Variants in PCDHGA2 observed in about 807,000 individuals in gnomAD.
PCDHGA2 encodes the protein protocadherin gamma subfamily A, 2.
Under a neutral mutation model 59.2 loss-of-function variants are expected in PCDHGA2, and 40 were observed. The observed-to-expected ratio is 0.68, with a 90% confidence interval of 0.52 to 0.88. PCDHGA2 has a LOEUF of 0.88. Among genes scored for constraint, PCDHGA2 ranks in the 40% least tolerant of loss-of-function variants. The probability of loss-of-function intolerance (pLI) is 0.00; values close to 1 mark genes in which losing one functional copy is unlikely to be tolerated. For missense variants in PCDHGA2, 1,226 were observed against 1,204.0 expected (o/e 1.02, Z -0.27); for synonymous variants, 560 against 526.0 (o/e 1.06, Z -0.89).
intron 1 of PCDHGA2, chr5:141,409,850 G>T (rs1301108879): frequency 6.2e-7 from 1 of 1,612,142 alleles, no homozygotes; most frequent in South Asian, 1.1e-5. Context: ...GAGCCTGCGC[G>T]TGTTGGTGGG....
At chr5:141,351,158 A>C in intron 1 of PCDHGA2, 2 of 1,614,062 alleles carry the variant, frequency 1.2e-6, no homozygotes, top group South Asian at 2.2e-5. Context: ...CATCACAACC[A>C]ATGGCACATT....
rs188827871 is a variant in PCDHGA2, at chr5:141,405,107, T to G, written c.2424+63712T>G. 137 of 1,613,998 alleles carry G rather than the reference T, an allele frequency of 8.5e-5. No homozygotes were observed. The Middle Eastern group carries it at 1.3e-3, about 16-fold the overall frequency. On this transcript the variant is annotated intron_variant, in intron 1 of 3. Coordinates refer to ENST00000394576, the MANE Select transcript of PCDHGA2 (RefSeq NM_018915.4). ...GCTGCTGGCCCTCAGGCTGAGGCAC[T>G]GGCACTCCTCGCATCTGCTGCGGGC...
rs776854254 is a variant in PCDHGA2 at position 141,487,285 on chromosome 5, C to T, written c.2425-7522C>T. On this transcript the variant is annotated intron_variant, in intron 1 of 3. Coordinates refer to ENST00000394576, the MANE Select transcript of PCDHGA2 (RefSeq NM_018915.4). This position sits in a 1 kb window ranked among gnomAD's most constrained non-coding sequence, Gnocchi z 5.0. The stretch of plus-strand genomic sequence containing the variant: ...CCCTAGTGGCAATTTGCTTTGTCTC[C>T]TTTGGCTCATTCGTGGCACTACTCT... 8 of 1,614,148 alleles carry T rather than the reference C, an allele frequency of 5.0e-6. No homozygotes were observed. The highest frequency in any genetic ancestry group is 6.8e-6 in the Non-Finnish European group (8 of 1,180,036).
chr5:141,381,826 C>CTTTTTTTTTTTTTTTTTTTTTTTTT (rs770630741), intron 1 of PCDHGA2, among the ~76,000 whole-genome samples: 4 of 74,290 alleles, frequency 5.4e-5, no homozygotes, highest in African/African-American at 1.2e-4. Context: ...CTTTCTTCTT[C>CTTTTTTTTTTTTTTTTTTTTTTTTT]TTTTTTTTTT....
chr5:141,362,243 T>C (rs1431406827), intron 1 of PCDHGA2: 1 of 1,613,912 alleles, frequency 6.2e-7, no homozygotes, highest in Non-Finnish European at 8.5e-7. Context: ...TCAGTGCTCT[T>C]CTTCCTCGCG....
chr5:141,419,240 G>A lies in PCDHGA2; in HGVS notation c.2425-75567G>A, dbSNP rs753956971. On this transcript the variant is annotated intron_variant, in intron 1 of 3. Coordinates refer to ENST00000394576, the MANE Select transcript of PCDHGA2 (RefSeq NM_018915.4). ...CGGACAGTCAGCCTACCTGGTCCAC[G>A]TGCCAGAAAACAACCAGCCGGGTGC... is the stretch of plus-strand genomic sequence containing the variant. 6.8e-6 allele frequency: 11 copies of A among 1,613,862 alleles called. No individual in the cohort carries two copies. The highest frequency in any genetic ancestry group is 1.7e-5 in the Admixed American group (1 of 60,018).
intron 1 of PCDHGA2, chr5:141,414,898 G>T: frequency 6.2e-7 from 1 of 1,614,190 alleles, no homozygotes; most frequent in East Asian, 2.2e-5. Context: ...CCCCACAGAC[G>T]GTTCCACAGG....
At chr5:141,399,798 G>C in intron 1 of PCDHGA2, 1 of 1,613,236 alleles carries the variant, frequency 6.2e-7, no homozygotes, top group Non-Finnish European at 8.5e-7. Flanking sequence ...ACGCACCGCG[G>C]GTGCTGTACC....
At chr5:141,355,117 AT>A (rs1170633529) in intron 1 of PCDHGA2, 1 of 1,513,660 alleles carries the variant, frequency 6.6e-7, no homozygotes, top group Non-Finnish European at 8.8e-7. Flanking sequence ...AATGCACTTT[AT>A]TTTGGACCCA....
chr5:141,497,148 A>G (rs1436451953), intron 2 of PCDHGA2, among the ~76,000 whole-genome samples: 1 of 152,122 alleles, frequency 6.6e-6, no homozygotes, highest in Non-Finnish European at 1.5e-5. Context: ...ATCACGAAAA[A>G]AAAATAATCT....
chr5:141,388,848 G>T (rs766706887), intron 1 of PCDHGA2: 1 of 1,613,942 alleles, frequency 6.2e-7, no homozygotes, highest in East Asian at 2.2e-5. Context: ...AGCAAGGGAC[G>T]GTGGAGGAAT....
chr5:141,406,477 A>G (rs1233914824), intron 1 of PCDHGA2, among the ~76,000 whole-genome samples: 1 of 152,166 alleles, frequency 6.6e-6, no homozygotes, highest in Non-Finnish European at 1.5e-5. Flanking sequence ...TTGAGGTTAT[A>G]TTTTTCAGAT....
At chr5:141,373,625 T>C (rs941241888) in intron 1 of PCDHGA2, among the ~76,000 whole-genome samples, 3 of 152,254 alleles carry the variant, frequency 2.0e-5, no homozygotes, top group African/African-American at 7.2e-5. Context: ...GATTGTAATA[T>C]TATTTCTGTT....
intron 1 of PCDHGA2, 97 bp from the exon 2 acceptor site, chr5:141,494,710 C>G: frequency 6.2e-7 from 1 of 1,600,966 alleles, no homozygotes; most frequent in Admixed American, 1.7e-5. Context: ...TCTCTGTGCC[C>G]ACTCCCCTCC....
At chr5:141,419,049 C>T in intron 1 of PCDHGA2, 6 of 1,613,954 alleles carry the variant, frequency 3.7e-6, no homozygotes, top group Non-Finnish European at 5.1e-6. Flanking sequence ...ATTCATTCTT[C>T]TTCTAATAAT....
intron 1 of PCDHGA2, chr5:141,424,572 T>C (rs1272121500): frequency 6.6e-6 from 1 of 152,238 alleles, no homozygotes; most frequent in East Asian, 1.9e-4. Context: ...CAAAAACCTA[T>C]TTTCAAATGT....
chr5:141,339,265 G>C lies in PCDHGA2; in HGVS notation c.294G>C (p.Gln98His). The C allele has an allele frequency of 6.2e-7, 1 of 1,614,256 alleles. No individual in the cohort carries two copies. Among genetic ancestry groups the C allele is most frequent in the South Asian group, 1.1e-5 (1 of 91,090 alleles). ...TAGACCGGGAGGAGCTCTGCGCTCA[G>C]AGCGCACCCTGTCTGTTGAATTTTA... ...NRIDREELCA[Q>H]SAPCLLNFNI... The change falls in exon 1 of 4, where the codon CAG becomes CAC. Residue 98 changes from glutamine to histidine, a missense_variant. By Grantham distance (24) the Gln-to-His change is conservative. Transcript: ENST00000394576.
At chr5:141,384,886 G>A in intron 1 of PCDHGA2, 1 of 1,613,822 alleles carries the variant, frequency 6.2e-7, no homozygotes. Context: ...ACTCACCGTG[G>A]CTGTGGCTGA....
chr5:141,398,145 G>A, intron 1 of PCDHGA2: 2 of 1,520,796 alleles, frequency 1.3e-6, no homozygotes, highest in Admixed American at 4.8e-5. Context: ...GCGGCGCCGG[G>A]GAGCTGGGCC....
Sources: gnomAD v4.1 joint callset for allele counts (sites outside exome capture counted in the v4.1 genomes callset) on GRCh38, gnomAD v4.1.1 for gene constraint, Gnocchi (gnomAD v3.1) non-coding constraint, MANE v1.5 for transcripts, NCBI Gene and HGNC (gene_info 2026-07-23, HGNC 2026-07-21) for gene names.